Variants in JMJD1C observed in about 807,000 individuals in gnomAD.
JMJD1C encodes jumonji domain-containing protein 1C.
In JMJD1C, 31 loss-of-function variants were observed where a neutral mutation model predicts 245.3. The observed-to-expected ratio is 0.13, with a 90% confidence interval of 0.09 to 0.17. The LOEUF (loss-of-function observed/expected upper bound fraction) is 0.17, where lower values mean the gene tolerates loss of function less well. JMJD1C is among the 10% of genes least tolerant of loss of function. The pLI, the probability that JMJD1C is intolerant of heterozygous loss-of-function variation, is 1.00. For synonymous variants in JMJD1C, 1,057 were observed against 1,017.4 expected (o/e 1.04, Z -0.74); for missense variants, 2,691 against 3,000.2 (o/e 0.90, Z 2.41).
chr10:63,240,900 G>A (rs903936220), intron 3 of JMJD1C, among the ~76,000 whole-genome samples: 1 of 152,016 alleles, frequency 6.6e-6, no homozygotes, highest in Non-Finnish European at 1.5e-5. Flanking sequence ...AAAAAGAACT[G>A]GAACAAAAAA....
intron 1 of JMJD1C, among the ~76,000 whole-genome samples, chr10:63,397,151 C>T (rs960820846): frequency 2.0e-5 from 3 of 152,176 alleles, no homozygotes; most frequent in Non-Finnish European, 4.4e-5. Flanking sequence ...ATAGTGCTTA[C>T]ATTTAATAAA....
chr10:63,301,601 T>C (rs905525769), intron 2 of JMJD1C, among the ~76,000 whole-genome samples: 1 of 151,444 alleles, frequency 6.6e-6, no homozygotes, highest in Admixed American at 6.6e-5. Context: ...TAAGTGGGAG[T>C]TGAACAATGA....
intron 2 of JMJD1C, among the ~76,000 whole-genome samples, chr10:63,308,751 C>CAA (rs377153800): frequency 0.027 from 1,357 of 49,816 alleles, 23 homozygotes; most frequent in African/African-American, 0.088. Context: ...CATTTGAGAA[C>CAA]AAAAAAAAAA....
intron 2 of JMJD1C, among the ~76,000 whole-genome samples, chr10:63,370,962 T>A (rs760598883): frequency 7.9e-5 from 12 of 152,048 alleles, no homozygotes; most frequent in Non-Finnish European, 1.6e-4. Context: ...AAAATAATGA[T>A]CTCCATTACT....
chr10:63,303,760 G>A (rs1178198616), intron 2 of JMJD1C, among the ~76,000 whole-genome samples: 1 of 152,040 alleles, frequency 6.6e-6, no homozygotes, highest in Non-Finnish European at 1.5e-5. Flanking sequence ...AAACTATTTG[G>A]ATACAGGTTT....
intron 1 of JMJD1C, chr10:63,427,869 G>A: frequency 1.2e-6 from 1 of 825,272 alleles, no homozygotes; most frequent in South Asian, 1.4e-5. Context: ...AGGCAAAGGA[G>A]ATGGCACTGG....
intron 1 of JMJD1C, among the ~76,000 whole-genome samples, chr10:63,411,661 G>A (rs182708046): frequency 6.0e-4 from 87 of 144,206 alleles, no homozygotes; most frequent in African/African-American, 2.2e-3. Context: ...GGAGTGCAGT[G>A]GCACAACTTT....
chr10:63,421,990 T>C (rs1950152910), intron 1 of JMJD1C, among the ~76,000 whole-genome samples: 1 of 152,230 alleles, frequency 6.6e-6, no homozygotes, highest in Non-Finnish European at 1.5e-5. Context: ...AGCAAACTAA[T>C]ACAGTCCCGT....
At chr10:63,227,743 C>T (rs1849479229) in intron 3 of JMJD1C, among the ~76,000 whole-genome samples, 1 of 152,156 alleles carries the variant, frequency 6.6e-6, no homozygotes, top group Non-Finnish European at 1.5e-5. Context: ...TATTTTGTAT[C>T]CTGAACATCA....
intron 1 of JMJD1C, among the ~76,000 whole-genome samples, chr10:63,387,509 T>C (rs924572098): frequency 4.0e-5 from 6 of 151,208 alleles, no homozygotes; most frequent in African/African-American, 1.5e-4. Flanking sequence ...CCTGATGTAT[T>C]CATCGAATCA....
chr10:63,240,277 AC>A lies in JMJD1C; in HGVS notation c.448-20295del, dbSNP rs1311978202. Among the ~76,000 whole-genome samples, 10 of 151,394 alleles carry A rather than the reference AC, an allele frequency of 6.6e-5. No individual in the cohort carries two copies. In the South Asian group the frequency reaches 1.7e-3, roughly 25 times the overall value. On this transcript the variant is annotated intron_variant, in intron 3 of 25. Coordinates refer to ENST00000399262, the MANE Select transcript of JMJD1C (RefSeq NM_032776.3). The stretch of plus-strand genomic sequence containing the variant: ...AGGAACACTACAGAAAATAAGGAGC[AC>A]TACAAAAAAAAATCACATAAACACT...
intron 3 of JMJD1C, among the ~76,000 whole-genome samples, chr10:63,233,410 A>T (rs995959128): frequency 3.9e-5 from 6 of 152,202 alleles, no homozygotes; most frequent in Admixed American, 6.5e-5. Flanking sequence ...TTAAAAAAAA[A>T]TTTTAAACTT....
Position 63,207,427 on chromosome 10 carries a change from T to G in JMJD1C, c.4242A>C (p.Ser1414=), listed in dbSNP as rs1846766272. 6.2e-7 allele frequency: 1 copy of G among 1,614,206 alleles called. No individual in the cohort carries two copies. Among genetic ancestry groups the G allele is most frequent in the South Asian group, 1.1e-5 (1 of 91,086 alleles). ...DTTSVSSWGG[S]EVISSLSNTI... ...TATTTGATAAAGAGGAAATTACTTCTGAACCACCCCAGCTGGAAACACTGG... is the reference window on the plus strand; with the variant it reads ...TATTTGATAAAGAGGAAATTACTTCGGAACCACCCCAGCTGGAAACACTGG... The change falls in exon 10 of 26, where the codon TCA becomes TCC. Residue 1414 remains serine, a synonymous_variant. Coordinates refer to ENST00000399262, the MANE Select transcript of JMJD1C (RefSeq NM_032776.3).
chr10:63,285,488 T>C (rs781125586), intron 2 of JMJD1C, among the ~76,000 whole-genome samples: 2 of 152,214 alleles, frequency 1.3e-5, no homozygotes, highest in Non-Finnish European at 2.9e-5. Context: ...GATTTGAGTC[T>C]GACTCTTGTC....
At chr10:63,385,286 T>C (rs769753135) in intron 1 of JMJD1C, among the ~76,000 whole-genome samples, 2 of 151,974 alleles carry the variant, frequency 1.3e-5, no homozygotes, top group African/African-American at 4.8e-5. Context: ...TAATAAAAGT[T>C]TGAAATATCG....
intron 2 of JMJD1C, among the ~76,000 whole-genome samples, chr10:63,347,869 G>A (rs1943992345): frequency 6.6e-6 from 1 of 152,074 alleles, no homozygotes; most frequent in African/African-American, 2.4e-5. Context: ...AGCTGAGATT[G>A]CACCACTGCC....
intron 2 of JMJD1C, among the ~76,000 whole-genome samples, chr10:63,278,403 G>A (rs1857031228): frequency 6.6e-6 from 1 of 151,760 alleles, no homozygotes; most frequent in South Asian, 2.1e-4. Flanking sequence ...GCGCATGCCT[G>A]TAGTCCCAGC....
At chr10:63,391,917 G>A (rs1361546742) in intron 1 of JMJD1C, among the ~76,000 whole-genome samples, 1 of 152,114 alleles carries the variant, frequency 6.6e-6, no homozygotes, top group Non-Finnish European at 1.5e-5. Context: ...AGCCTACAGT[G>A]GCCAAAATAG....
chr10:63,404,229 A>G (rs1589683065), intron 1 of JMJD1C, among the ~76,000 whole-genome samples: 1 of 152,230 alleles, frequency 6.6e-6, no homozygotes, highest in East Asian at 1.9e-4. Context: ...GAGTAAGGAC[A>G]CATAAAATGC....
Sources: gnomAD v4.1 joint callset for allele counts (sites outside exome capture counted in the v4.1 genomes callset) on GRCh38, gnomAD v4.1.1 for gene constraint, MANE v1.5 for transcripts, NCBI Gene and HGNC (gene_info 2026-07-23, HGNC 2026-07-21) for gene names.